TTYH2: variants seen among roughly 807,000 people sequenced by gnomAD.
The protein encoded by TTYH2 is protein tweety homolog 2.
A neutral mutation model predicts 68.3 loss-of-function variants in TTYH2; 49 were observed. The ratio of observed to expected loss-of-function variants is 0.72; its 90% CI spans 0.57 to 0.91. The LOEUF (loss-of-function observed/expected upper bound fraction) is 0.91. Among genes scored for constraint, TTYH2 ranks in the 40% least tolerant of loss-of-function variants. The pLI is 0.00. For missense variants in TTYH2, 631 were observed against 700.4 expected, an observed-to-expected ratio of 0.90 and a Z score of 1.12; for synonymous variants, 272 against 300.8, an observed-to-expected ratio of 0.90 and a Z score of 0.99.
chr17:74,252,345 G>C lies in TTYH2; in HGVS notation c.1228G>C (p.Gly410Arg), dbSNP rs2050641797. 1 of 1,613,688 alleles carries C rather than the reference G, an allele frequency of 6.2e-7. No homozygotes were observed. Among genetic ancestry groups the C allele is most frequent in the Admixed American group, 1.7e-5 (1 of 60,008 alleles). ...ALAFSTMICA[G>R]PRAWKHFTTR... ...CGCCTTCTCCACCATGATCTGTGCA[G>C]GGCCAAGGGCCTGGAAGCACTTCAC... The change falls in exon 11 of 14, where the codon GGG (glycine) becomes CGG (arginine). Residue 410 changes from glycine to arginine, a missense_variant. Physicochemically the swap from Gly to Arg is moderately radical, Grantham distance 125. Coordinates refer to ENST00000269346, the MANE Select transcript of TTYH2 (RefSeq NM_032646.6).
chr17:74,249,288 T>C, intron 7 of TTYH2, 56 bp from the exon 8 acceptor site: 4 of 1,607,750 alleles, frequency 2.5e-6, no homozygotes, highest in African/African-American at 1.3e-5. Flanking sequence ...CCAAGGATGA[T>C]AGAGATCTCA....
chr17:74,249,341 C>A lies in TTYH2; in HGVS notation c.875-3C>A, dbSNP rs1488925599. 1.2e-6 allele frequency: 2 copies of A among 1,614,022 alleles called. No individual in the cohort carries two copies. Among genetic ancestry groups the A allele is most frequent in the African/African-American group, 2.7e-5 (2 of 74,920 alleles). The stretch of plus-strand genomic sequence containing the variant: ...TGCCTAACGTTATGCCGTTGCCCTG[C>A]AGAGGTGACTCGCTACTACCTGTAT... On this transcript the variant is annotated splice_polypyrimidine_tract_variant and splice_region_variant and intron_variant, in intron 7 of 13. Coordinates refer to ENST00000269346, the MANE Select transcript of TTYH2 (RefSeq NM_032646.6).
rs189281627 is a variant in TTYH2, at chr17:74,225,162, G to T, written c.302+2505G>T. ...CTTGGCAAAGGTGGGGGCAGGGGAG[G>T]CGGAGACACCTCCAGGCAGAGGGAA... On this transcript the variant is annotated intron_variant, in intron 2 of 13. Transcript: ENST00000269346. Among the ~76,000 whole-genome samples, 182 of 152,210 alleles carry T rather than the reference G, an allele frequency of 1.2e-3. 1 individual carries two copies. Among genetic ancestry groups the T allele is most frequent in the African/African-American group, 4.3e-3 (178 of 41,530 alleles).
In TTYH2 at chr17:74,239,175, C is replaced by A. The variant is rs147164061; in HGVS notation, c.635+1661C>A. ...CCTAGCCAGAGGCACTGGACACAAT[C>A]GGCGGAGCAGGGACCTGCTGCCCCT... On this transcript the variant is annotated intron_variant, in intron 4 of 13. Transcript: ENST00000269346. The surrounding 1 kb of genome is among the most constrained non-coding windows in gnomAD (Gnocchi z 5.3). Among the ~76,000 whole-genome samples, 1 of 152,194 alleles carries A rather than the reference C, an allele frequency of 6.6e-6. No individual in the cohort carries two copies. Among genetic ancestry groups the A allele is most frequent in the Non-Finnish European group, 1.5e-5 (1 of 68,036 alleles).
At position 74,253,278 on chromosome 17, in the gene TTYH2, A is replaced by G; in HGVS notation, c.1445+12A>G. On this transcript the variant is annotated intron_variant, in intron 12 of 13. Transcript: ENST00000269346. ...GTCTCCGAGTACATGTACGGCCTGC[A>G]CACACACCCAGGCTGGGTAGCACTG... 6.3e-7 allele frequency: 1 copy of G among 1,576,672 alleles called. No homozygotes were observed. Among genetic ancestry groups the G allele is most frequent in the South Asian group, 1.2e-5 (1 of 85,926 alleles).
At chr17:74,259,993 G>A (rs949971024) in intron 13 of TTYH2, 136 bp from the exon 14 acceptor site, 16 of 736,312 alleles carry the variant, frequency 2.2e-5, no homozygotes, top group Non-Finnish European at 3.4e-5. Context: ...AAGTCTTGAT[G>A]GATGTGGGGT....
At chr17:74,225,175 C>T (rs2050317503) in intron 2 of TTYH2, among the ~76,000 whole-genome samples, 3 of 151,870 alleles carry the variant, frequency 2.0e-5, no homozygotes, top group African/African-American at 4.8e-5. Context: ...GAGACACCTC[C>T]AGGCAGAGGG....
chr17:74,214,901 CTAA>C lies in TTYH2; in HGVS notation c.129+1192_129+1194del, dbSNP rs1317370919. 1.3e-5 allele frequency among the ~76,000 whole-genome samples: 2 copies of C among 152,160 alleles called. No individual in the cohort carries two copies. The highest frequency in any genetic ancestry group is 4.8e-5 in the African/African-American group (2 of 41,422). On this transcript the variant is annotated intron_variant, in intron 1 of 13. Coordinates refer to ENST00000269346, the MANE Select transcript of TTYH2 (RefSeq NM_032646.6). This position sits in a 1 kb window ranked among gnomAD's most constrained non-coding sequence, Gnocchi z 4.6. Reference sequence around the variant, plus strand: ...TGCCCAAGCGCCAGTGACAGGGAGTCTAATAATAACCCCTGACGACCCGGCTGC... The same window carrying C: ...TGCCCAAGCGCCAGTGACAGGGAGTCTAATAACCCCTGACGACCCGGCTGC...
chr17:74,222,276 T>C lies in TTYH2; in HGVS notation c.130-209T>C, dbSNP rs911974894. ...CCACGAGGCCCACCACTTGGCCTCA[T>C]GCCCTGTAAGCTCCATCACTCCCAC... On this transcript the variant is annotated intron_variant, in intron 1 of 13. Transcript: ENST00000269346. This position sits in a 1 kb window ranked among gnomAD's most constrained non-coding sequence, Gnocchi z 5.2. Among the ~76,000 whole-genome samples the C allele has an allele frequency of 6.6e-6, 1 of 152,218 alleles. No individual in the cohort carries two copies. The highest frequency in any genetic ancestry group is 1.5e-5 in the Non-Finnish European group (1 of 68,032).
chr17:74,238,096 C>T (rs2050462174), intron 4 of TTYH2, among the ~76,000 whole-genome samples: 1 of 152,256 alleles, frequency 6.6e-6, no homozygotes, highest in Non-Finnish European at 1.5e-5. Flanking sequence ...TGGACCTGGC[C>T]TCAGCCTCCC....
At chr17:74,253,854 TC>T in intron 13 of TTYH2, 21 bp downstream of exon 13, 6 of 1,613,192 alleles carry the variant, frequency 3.7e-6, no homozygotes, top group Non-Finnish European at 5.1e-6. Context: ...CTCTGGCCCT[TC>T]CTTGTTGGGG....
chr17:74,236,895 CTTT>C (rs553285799), intron 3 of TTYH2, among the ~76,000 whole-genome samples: 3 of 133,370 alleles, frequency 2.2e-5, no homozygotes, highest in African/African-American at 2.8e-5. Flanking sequence ...GCCAGGCCAG[CTTT>C]TTTTTTTTTT....
intron 4 of TTYH2, among the ~76,000 whole-genome samples, chr17:74,240,319 G>A (rs1368119734): frequency 6.6e-6 from 1 of 152,060 alleles, no homozygotes; most frequent in Non-Finnish European, 1.5e-5. Context: ...CACGCCTGTA[G>A]TCCCAGCTAC....
chr17:74,241,532 G>C lies in TTYH2; in HGVS notation c.636-1842G>C, dbSNP rs1167696562. ...TTGGCAGTAAGCCTCAATTCGGGGA[G>C]TCAGAAAGAACCTCCCTTGGCTGCC... On this transcript the variant is annotated intron_variant, in intron 4 of 13. Coordinates refer to ENST00000269346, the MANE Select transcript of TTYH2 (RefSeq NM_032646.6). The surrounding 1 kb of genome is among the most constrained non-coding windows in gnomAD (Gnocchi z 4.1). Among the ~76,000 whole-genome samples the C allele has an allele frequency of 6.6e-6, 1 of 152,180 alleles. No homozygotes were observed. Among genetic ancestry groups the C allele is most frequent in the Non-Finnish European group, 1.5e-5 (1 of 68,038 alleles).
chr17:74,225,966 G>C (rs1181278809), intron 2 of TTYH2, among the ~76,000 whole-genome samples: 2 of 152,246 alleles, frequency 1.3e-5, no homozygotes, highest in African/African-American at 4.8e-5. Context: ...GCAGTGACCA[G>C]AGGGGAGTGC....
chr17:74,221,910 A>G (rs945213463), intron 1 of TTYH2, among the ~76,000 whole-genome samples: 1 of 152,166 alleles, frequency 6.6e-6, no homozygotes, highest in Non-Finnish European at 1.5e-5. Flanking sequence ...CAACACCTAG[A>G]ACAAGCTCTT....
intron 3 of TTYH2, among the ~76,000 whole-genome samples, chr17:74,235,464 G>A (rs117082003): frequency 2.6e-5 from 4 of 152,330 alleles, no homozygotes; most frequent in East Asian, 1.9e-4. Flanking sequence ...GGCGTGCTTG[G>A]GGCTGCCAAG....
Position 74,215,706 on chromosome 17 carries a change from GT to G in TTYH2, c.129+1995del, listed in dbSNP as rs142191918. The G allele has an allele frequency of 0.032, 49,432 of 1,535,628 alleles. 2,208 individuals are homozygous for G. The highest frequency in any genetic ancestry group is 0.21 in the African/African-American group (15,367 of 73,112). ...CTGGGTGTTATTTAAGGTGGCTCCT[GT>G]TTTTGGTAAGTTCCCCTGTTGTGAC... On this transcript the variant is annotated intron_variant, in intron 1 of 13. Coordinates refer to ENST00000269346, the MANE Select transcript of TTYH2 (RefSeq NM_032646.6). The surrounding 1 kb of genome is among the most constrained non-coding windows in gnomAD (Gnocchi z 4.3).
intron 2 of TTYH2, among the ~76,000 whole-genome samples, chr17:74,228,698 TGGG>T (rs573837448): frequency 1.5e-5 from 2 of 130,944 alleles, no homozygotes; most frequent in East Asian, 4.9e-4. Context: ...ACAAGATCAG[TGGG>T]GGGCGGGGGG....
Sources: gnomAD v4.1 joint callset for allele counts (sites outside exome capture counted in the v4.1 genomes callset) on GRCh38, gnomAD v4.1.1 for gene constraint, Gnocchi (gnomAD v3.1) non-coding constraint, MANE v1.5 for transcripts, NCBI Gene and HGNC (gene_info 2026-07-23, HGNC 2026-07-21) for gene names.